SYT2: variants seen among roughly 807,000 people sequenced by gnomAD.
SYT2 encodes the protein synaptotagmin-2.
Under a neutral mutation model 39.9 loss-of-function variants are expected in SYT2, and 15 were observed. The ratio of observed to expected loss-of-function variants is 0.38; its 90% CI spans 0.25 to 0.58. The LOEUF (loss-of-function observed/expected upper bound fraction) is 0.58. Among genes scored for constraint, SYT2 ranks in the 20% least tolerant of loss-of-function variants. The pLI, the probability that SYT2 is intolerant of heterozygous loss-of-function variation, is 0.70. For missense variants in SYT2, 389 were observed against 530.3 expected (o/e 0.73, Z 2.62); for synonymous variants, 181 against 204.5 (o/e 0.89, Z 0.98).
At chr1:202,637,205 T>C (rs868831181) in intron 1 of SYT2, among the ~76,000 whole-genome samples, 36 of 152,070 alleles carry the variant, frequency 2.4e-4, no homozygotes, top group Middle Eastern at 6.8e-3. Context: ...ACAAAAATTA[T>C]CCAGGCATGG....
rs141779964 is a variant in SYT2, at chr1:202,646,414, C to G, written c.-17-40625G>C. Among the ~76,000 whole-genome samples, 476 of 152,298 alleles carry G rather than the reference C, an allele frequency of 3.1e-3. 4 individuals are homozygous for G. Among genetic ancestry groups the G allele is most frequent in the African/African-American group, 0.011 (455 of 41,542 alleles). On this transcript the variant is annotated intron_variant, in intron 1 of 8. Coordinates refer to ENST00000367268, the MANE Select transcript of SYT2 (RefSeq NM_177402.5). The stretch of plus-strand genomic sequence containing the variant: ...GTGCCCTGTGCTTCTCCTCTGCAGC[C>G]CTCATCACGCTTATCCTTCCTTGTT...
chr1:202,707,674 C>G (rs1654288048), intron 1 of SYT2, among the ~76,000 whole-genome samples: 1 of 152,246 alleles, frequency 6.6e-6, no homozygotes, highest in East Asian at 1.9e-4. Context: ...CCCCTGCTTC[C>G]AGTGCACTCA....
chr1:202,630,251 G>A, intron 1 of SYT2: 1 of 354,158 alleles, frequency 2.8e-6, no homozygotes, highest in African/African-American at 2.2e-5. Flanking sequence ...AAAAACGAAT[G>A]TGCAGAGCAG....
chr1:202,691,690 A>AGGGAGAGCGAGG (rs1653822650), intron 1 of SYT2, among the ~76,000 whole-genome samples: 1 of 7,506 alleles, frequency 1.3e-4, no homozygotes, highest in Admixed American at 2.4e-3. Context: ...CGAGGGGGAG[A>AGGGAGAGCGAGG]GGGAGAGGGA....
At chr1:202,643,583 A>G (rs12048292) in intron 1 of SYT2, 21,546 of 151,728 alleles carry the variant, frequency 0.14, 1,984 homozygotes, top group East Asian at 0.33. Context: ...CCCGCAAACC[A>G]CGACGCAGGG....
intron 1 of SYT2, among the ~76,000 whole-genome samples, chr1:202,608,882 AT>A (rs1156533702): frequency 6.6e-6 from 1 of 152,108 alleles, no homozygotes; most frequent in East Asian, 1.9e-4. Flanking sequence ...GACAACACTT[AT>A]TTTTTTATTA....
chr1:202,599,484 C>T lies in SYT2; in HGVS notation c.920-133G>A. On this transcript the variant is annotated intron_variant, in intron 7 of 8. Transcript: ENST00000367268. The surrounding 1 kb of genome is among the most constrained non-coding windows in gnomAD (Gnocchi z 4.4). ...CCGCTGAGACCAGGCCCTCAGAAAG[C>T]CCCAAGTCATGCCATCCAGTTCAAA... 1 of 1,063,704 alleles carries T rather than the reference C, an allele frequency of 9.4e-7. No individual in the cohort carries two copies. The highest frequency in any genetic ancestry group is 1.3e-6 in the Non-Finnish European group (1 of 760,018). The allele number at this position is 1,063,704 out of a possible 1,614,324, so 65.9% of individuals were successfully genotyped here.
chr1:202,647,011 G>A (rs1012173285), intron 1 of SYT2, among the ~76,000 whole-genome samples: 2 of 152,192 alleles, frequency 1.3e-5, no homozygotes, highest in Non-Finnish European at 2.9e-5. Flanking sequence ...CTGTCCCTGC[G>A]TTGGCCTCGA....
At chr1:202,669,532 G>A (rs2149108647) in intron 1 of SYT2, among the ~76,000 whole-genome samples, 1 of 151,970 alleles carries the variant, frequency 6.6e-6, no homozygotes, top group African/African-American at 2.4e-5. Flanking sequence ...GGGGGAGGTT[G>A]CAGTGAGCCG....
At chr1:202,618,400 A>AGTGTGTGTGTGTGTGTGTGTGT (rs57621822) in intron 1 of SYT2, among the ~76,000 whole-genome samples, 2 of 148,766 alleles carry the variant, frequency 1.3e-5, no homozygotes, top group Admixed American at 6.7e-5. Context: ...GTCTGGTGTG[A>AGTGTGTGTGTGTGTGTGTGTGT]GTGTGTGTGT....
At position 202,624,412 on chromosome 1, in the gene SYT2, T is replaced by C. The variant is rs558219387; in HGVS notation, c.-17-18623A>G. On this transcript the variant is annotated intron_variant, in intron 1 of 8. Transcript: ENST00000367268. ...TGTACGTATGTGTGGTATGGGGGTA[T>C]AGTGAGTTTGTGTGGGATGTGTGTG... Among the ~76,000 whole-genome samples the C allele has an allele frequency of 5.9e-5, 9 of 151,504 alleles. No homozygotes were observed. The South Asian group carries it at 1.9e-3, about 32-fold the overall frequency.
chr1:202,607,451 G>T (rs1690745080), intron 1 of SYT2, among the ~76,000 whole-genome samples: 1 of 152,190 alleles, frequency 6.6e-6, no homozygotes, highest in Non-Finnish European at 1.5e-5. Flanking sequence ...GAAAAAATGT[G>T]AGACTTTTCT....
chr1:202,613,067 C>CTTTTTTTTTTTTT (rs1690930669), intron 1 of SYT2, among the ~76,000 whole-genome samples: 1 of 121,604 alleles, frequency 8.2e-6, no homozygotes. Context: ...ATTGGTTCTT[C>CTTTTTTTTTTTTT]CTTTTTTTTT....
chr1:202,618,573 G>A (rs949300813), intron 1 of SYT2, among the ~76,000 whole-genome samples: 42 of 152,320 alleles, frequency 2.8e-4, no homozygotes, highest in African/African-American at 9.4e-4. Flanking sequence ...CACCTCGGGT[G>A]GTTTCTTTCA....
chr1:202,625,344 G>T (rs1434208652), intron 1 of SYT2, among the ~76,000 whole-genome samples: 4 of 11,552 alleles, frequency 3.5e-4, no homozygotes, highest in African/African-American at 1.2e-3. Flanking sequence ...ATGTAGTAGG[G>T]TGTGTGTGTG....
In SYT2 at chr1:202,599,421, G is replaced by A. The variant is rs1690418594; in HGVS notation, c.920-70C>T. Reference sequence around the variant, plus strand: ...CCAGCCTTCCTGCCGAATGTACCAAGGCCTGCCCAGAGCATCGGTCAAGAG... The same window carrying A: ...CCAGCCTTCCTGCCGAATGTACCAAAGCCTGCCCAGAGCATCGGTCAAGAG... On this transcript the variant is annotated intron_variant, in intron 7 of 8. Coordinates refer to ENST00000367268, the MANE Select transcript of SYT2 (RefSeq NM_177402.5). The surrounding 1 kb of genome is among the most constrained non-coding windows in gnomAD (Gnocchi z 4.4). 1.3e-6 allele frequency: 2 copies of A among 1,510,538 alleles called. No homozygotes were observed. Among genetic ancestry groups the A allele is most frequent in the South Asian group, 2.7e-5 (2 of 72,930 alleles). 93.6% of individuals were successfully genotyped at this position (1,510,538 alleles called of 1,614,324 possible).
Position 202,636,454 on chromosome 1 carries a change from G to A in SYT2, c.-17-30665C>T, listed in dbSNP as rs1400925331. 4.0e-5 allele frequency: 38 copies of A among 945,738 alleles called. 1 individual carries two copies. The highest frequency in any genetic ancestry group is 4.5e-5 in the Non-Finnish European group (36 of 793,896). 58.6% of individuals were successfully genotyped at this position (945,738 alleles called of 1,614,324 possible). ...TTTCAAATCATCGTCTGCCTCATTT[G>A]ATCCCAGGACATCTTGGGAGAAGTG... On this transcript the variant is annotated intron_variant, in intron 1 of 8. Coordinates refer to ENST00000367268, the MANE Select transcript of SYT2 (RefSeq NM_177402.5).
At chr1:202,675,051 T>A (rs1378631978) in intron 1 of SYT2, among the ~76,000 whole-genome samples, 1 of 152,130 alleles carries the variant, frequency 6.6e-6, no homozygotes, top group Non-Finnish European at 1.5e-5. Context: ...GGCTTTCTTG[T>A]TTATTACAGC....
chr1:202,605,532 C>G, intron 2 of SYT2, 63 bp downstream of exon 2: 1 of 1,498,020 alleles, frequency 6.7e-7, no homozygotes, highest in Non-Finnish European at 9.2e-7. Flanking sequence ...GGTATCCCCA[C>G]CCTTCTTCAC....
Sources: allele counts gnomAD v4.1 joint callset (sites outside exome capture counted in the v4.1 genomes callset), GRCh38; gene constraint gnomAD v4.1.1; non-coding constraint Gnocchi (gnomAD v3.1); transcripts MANE v1.5; gene names NCBI Gene and HGNC (gene_info 2026-07-23, HGNC 2026-07-21).